Variants in EHHADH observed in about 807,000 individuals in gnomAD.
The protein encoded by EHHADH is enoyl-CoA hydratase and 3-hydroxyacyl CoA dehydrogenase, also known as peroxisomal bifunctional enzyme.
A neutral mutation model predicts 64.4 loss-of-function variants in EHHADH; 48 were observed. That is an observed-to-expected ratio of 0.75 (90% CI 0.59 to 0.95). The LOEUF is 0.95. Ranked by LOEUF, EHHADH falls within the 40% of genes least tolerant of loss-of-function variation. The pLI, the probability that EHHADH is intolerant of heterozygous loss-of-function variation, is 0.00. For missense variants in EHHADH, 854 were observed against 876.6 expected, an observed-to-expected ratio of 0.97 and a Z score of 0.33; for synonymous variants, 308 against 326.7, an observed-to-expected ratio of 0.94 and a Z score of 0.62.
At chr3:185,250,028 A>G (rs969771924) in intron 1 of EHHADH, among the ~76,000 whole-genome samples, 1 of 152,228 alleles carries the variant, frequency 6.6e-6, no homozygotes, top group Non-Finnish European at 1.5e-5. Flanking sequence ...AGGATGGTAG[A>G]GCAAGAGATA....
intron 1 of EHHADH, among the ~76,000 whole-genome samples, chr3:185,252,228 C>T (rs1288161000): frequency 2.6e-5 from 4 of 152,004 alleles, no homozygotes; most frequent in Admixed American, 2.0e-4. Flanking sequence ...GGTGAAACCC[C>T]GTCTCTACTA....
intron 2 of EHHADH, among the ~76,000 whole-genome samples, chr3:185,238,039 C>T (rs557024200): frequency 1.1e-4 from 17 of 152,100 alleles, no homozygotes; most frequent in South Asian, 1.0e-3. Context: ...TGAGAATATG[C>T]GGTATTTGAT....
chr3:185,217,994 T>G, intron 5 of EHHADH, 142 bp downstream of exon 5: 3 of 433,364 alleles, frequency 6.9e-6, no homozygotes, highest in Non-Finnish European at 1.2e-5. Context: ...CTCGATCTCC[T>G]GACCTCGTGA....
At chr3:185,198,251 C>T (rs1244306801) in intron 6 of EHHADH, among the ~76,000 whole-genome samples, 1 of 151,946 alleles carries the variant, frequency 6.6e-6, no homozygotes, top group African/African-American at 2.4e-5. Flanking sequence ...TGGAGTCTTG[C>T]TCTGTCACCC....
Position 185,192,817 on chromosome 3 carries a change from C to A in EHHADH, c.1581G>T (p.Leu527Phe), listed in dbSNP as rs537713643. ...CCTTTCTAGATTTCCAGCCCACATC[C>A]AACCCAGCAAGATCAGACACTCTAA... ...GPFRVSDLAG[L>F]DVGWKSRKGQ... The change falls in exon 7 of 7, where the codon TTG becomes TTT. Residue 527 changes from leucine (L) to phenylalanine (F), a missense_variant. By Grantham distance (22) the Leu-to-Phe change is conservative (BLOSUM62 0). Transcript: ENST00000231887. 16 of 1,614,144 alleles carry A rather than the reference C, an allele frequency of 9.9e-6. No homozygotes were observed. The East Asian group carries it at 3.1e-4, about 31-fold the overall frequency.
intron 2 of EHHADH, 110 bp from the exon 3 acceptor site, chr3:185,235,572 C>A (rs1719268698): frequency 1.0e-6 from 1 of 994,986 alleles, no homozygotes; most frequent in African/African-American, 1.7e-5. Flanking sequence ...TTATTTATTT[C>A]TTAATTTTTT....
intron 5 of EHHADH, among the ~76,000 whole-genome samples, chr3:185,209,052 T>G (rs913322011): frequency 6.6e-6 from 1 of 152,214 alleles, no homozygotes; most frequent in African/African-American, 2.4e-5. Flanking sequence ...TTAATGGGCA[T>G]GAAGAAACTT....
At chr3:185,197,822 A>G (rs1043490930) in intron 6 of EHHADH, among the ~76,000 whole-genome samples, 2 of 152,054 alleles carry the variant, frequency 1.3e-5, no homozygotes, top group African/African-American at 4.8e-5. Flanking sequence ...TTTGAGATGG[A>G]GTCTCTCTCT....
chr3:185,224,196 T>C (rs1426901181), intron 4 of EHHADH, among the ~76,000 whole-genome samples: 2 of 151,826 alleles, frequency 1.3e-5, no homozygotes, highest in Non-Finnish European at 1.5e-5. Context: ...TTAACACCCT[T>C]TCTTAGAAAA....
intron 2 of EHHADH, chr3:185,245,425 C>T (rs1015155169): frequency 9.7e-6 from 7 of 719,526 alleles, no homozygotes; most frequent in Non-Finnish European, 1.5e-5. Context: ...AGCCACATAT[C>T]CACAACACGC....
chr3:185,203,963 A>G (rs1406387635), intron 6 of EHHADH, among the ~76,000 whole-genome samples: 2 of 152,002 alleles, frequency 1.3e-5, no homozygotes, highest in African/African-American at 4.8e-5. Flanking sequence ...AACATGGCGA[A>G]GCCCTGTCTC....
chr3:185,222,759 C>T (rs562915001), intron 4 of EHHADH, among the ~76,000 whole-genome samples: 9 of 152,248 alleles, frequency 5.9e-5, no homozygotes, highest in East Asian at 1.9e-4. Context: ...AGGCCACACC[C>T]GAGAGTCCCT....
chr3:185,235,519 A>G, intron 2 of EHHADH, 57 bp from the exon 3 acceptor site: 1 of 1,432,036 alleles, frequency 7.0e-7, no homozygotes, highest in Non-Finnish European at 9.4e-7. Flanking sequence ...GCATTGTTAT[A>G]TAACAGTAAG....
At chr3:185,235,203 TCAC>T in intron 3 of EHHADH, 84 bp downstream of exon 3, 1 of 1,253,594 alleles carries the variant, frequency 8.0e-7, no homozygotes, top group Non-Finnish European at 1.1e-6. Context: ...AATAAAATAA[TCAC>T]CGCTGATACT....
rs1717880506 is a variant in EHHADH at position 185,191,891 on chromosome 3, C to A, written c.*335G>T. ...GAGTCAAAATGAATGTATGACTTAG[C>A]TGCATTTATCATTTATTAATTGATG... On this transcript the variant is annotated 3_prime_UTR_variant, in exon 7 of 7. Coordinates refer to ENST00000231887, the MANE Select transcript of EHHADH (RefSeq NM_001966.4). The A allele has an allele frequency of 2.8e-5, 8 of 286,848 alleles. No homozygotes were observed. The South Asian group carries it at 4.6e-4, about 16-fold the overall frequency. The allele number at this position is 286,848 out of a possible 1,614,324, so 17.8% of individuals were successfully genotyped here.
At chr3:185,194,674 C>T (rs953858781) in intron 6 of EHHADH, among the ~76,000 whole-genome samples, 2 of 151,104 alleles carry the variant, frequency 1.3e-5, no homozygotes, top group African/African-American at 4.9e-5. Context: ...ATGGTGCATG[C>T]CTATAGTCAC....
At chr3:185,212,673 A>ATT (rs11450559) in intron 5 of EHHADH, among the ~76,000 whole-genome samples, 5 of 151,852 alleles carry the variant, frequency 3.3e-5, no homozygotes, top group South Asian at 2.1e-4. Flanking sequence ...TTCAACATGT[A>ATT]TTTTTTTAAG....
intron 4 of EHHADH, among the ~76,000 whole-genome samples, chr3:185,223,916 G>A (rs1161514349): frequency 6.6e-6 from 1 of 152,194 alleles, no homozygotes; most frequent in Non-Finnish European, 1.5e-5. Flanking sequence ...ACTGCAATAT[G>A]ATCAGGCATA....
At chr3:185,241,555 A>G (rs1402483831) in intron 2 of EHHADH, among the ~76,000 whole-genome samples, 1 of 152,046 alleles carries the variant, frequency 6.6e-6, no homozygotes, top group Admixed American at 6.6e-5. Context: ...ATCATTAGTG[A>G]TGTTGAGCAT....
Sources: gnomAD v4.1 joint callset for allele counts (sites outside exome capture counted in the v4.1 genomes callset) on GRCh38, gnomAD v4.1.1 for gene constraint, MANE v1.5 for transcripts, NCBI Gene and HGNC (gene_info 2026-07-23, HGNC 2026-07-21) for gene names.